Variants in RIMKLA observed in about 807,000 individuals in gnomAD.
RIMKLA encodes ribosomal modification protein rimK like family member A, also known as N-acetylaspartylglutamate synthase A.
Under a neutral mutation model 32.7 loss-of-function variants are expected in RIMKLA, and 14 were observed. The ratio of observed to expected loss-of-function variants is 0.43; its 90% CI spans 0.28 to 0.67. The LOEUF (loss-of-function observed/expected upper bound fraction) is 0.67. RIMKLA is among the 30% of genes least tolerant of loss of function. The pLI is 0.18. For missense variants in RIMKLA, 410 were observed against 519.0 expected (o/e 0.79, Z 2.04); for synonymous variants, 176 against 204.1 (o/e 0.86, Z 1.18).
chr1:42,388,056 G>A (rs917914879), intron 1 of RIMKLA, among the ~76,000 whole-genome samples: 1 of 152,068 alleles, frequency 6.6e-6, no homozygotes, highest in Non-Finnish European at 1.5e-5. Context: ...ATAGCAAGGG[G>A]GCCAGCATGG....
At chr1:42,409,128 G>C (rs1408143536) in intron 3 of RIMKLA, among the ~76,000 whole-genome samples, 2 of 143,600 alleles carry the variant, frequency 1.4e-5, no homozygotes, top group East Asian at 4.1e-4. Flanking sequence ...CTTGAACCCG[G>C]GAGGTGGAGG....
Position 42,385,887 on chromosome 1 carries a change from TTTCTTTCTTTCC to T in RIMKLA, c.163+4798_163+4809del, listed in dbSNP as rs1371916549. Among the ~76,000 whole-genome samples the T allele has an allele frequency of 2.1e-4, 20 of 96,908 alleles. 2 individuals are homozygous for T. Among genetic ancestry groups the T allele is most frequent in the African/African-American group, 5.3e-4 (14 of 26,662 alleles). The allele number at this position is 96,908 out of a possible 152,430, so 63.6% of individuals were successfully genotyped here. On this transcript the variant is annotated intron_variant, in intron 1 of 4. Coordinates refer to ENST00000431473, the MANE Select transcript of RIMKLA (RefSeq NM_173642.4). ...CTTTCTTTCTTTCTTTCTTTCTTTC[TTTCTTTCTTTCC>T]TTCTTTCCTTCTTTCCTTCTTTCTT...
intron 4 of RIMKLA, among the ~76,000 whole-genome samples, chr1:42,413,115 CAG>C (rs1377505568): frequency 5.3e-5 from 8 of 151,880 alleles, no homozygotes; most frequent in Admixed American, 2.6e-4. Flanking sequence ...GCCTGGGCGA[CAG>C]AGTGAGACTC....
chr1:42,399,015 A>G (rs1192003917), intron 1 of RIMKLA, among the ~76,000 whole-genome samples: 1 of 151,374 alleles, frequency 6.6e-6, no homozygotes, highest in African/African-American at 2.4e-5. Context: ...TTCCAATCAG[A>G]TATAAAAGAG....
At chr1:42,382,681 G>A (rs1642899329) in intron 1 of RIMKLA, among the ~76,000 whole-genome samples, 1 of 152,104 alleles carries the variant, frequency 6.6e-6, no homozygotes, top group Non-Finnish European at 1.5e-5. Flanking sequence ...CACAAATTCT[G>A]TAAGAGCAAG....
chr1:42,401,328 GAAT>G (rs1643095297), intron 2 of RIMKLA, among the ~76,000 whole-genome samples: 1 of 152,088 alleles, frequency 6.6e-6, no homozygotes, highest in Non-Finnish European at 1.5e-5. Flanking sequence ...CTGCTTTAGG[GAAT>G]GGGTACAGGA....
intron 1 of RIMKLA, among the ~76,000 whole-genome samples, chr1:42,391,202 G>A (rs1440285707): frequency 6.6e-6 from 1 of 152,184 alleles, no homozygotes; most frequent in Non-Finnish European, 1.5e-5. Flanking sequence ...AGGAGGTCAA[G>A]ACATTGAGAG....
At chr1:42,407,315 A>G (rs1643155882) in intron 3 of RIMKLA, among the ~76,000 whole-genome samples, 1 of 151,684 alleles carries the variant, frequency 6.6e-6, no homozygotes, top group Non-Finnish European at 1.5e-5. Flanking sequence ...TCTTTGATGC[A>G]CAAAAGTTTT....
chr1:42,408,816 G>A (rs1248488206), intron 3 of RIMKLA, among the ~76,000 whole-genome samples: 1 of 152,160 alleles, frequency 6.6e-6, no homozygotes, highest in African/African-American at 2.4e-5. Context: ...TTCCATATTT[G>A]CTGAAAAGAA....
rs1041094968 is a variant in RIMKLA, at chr1:42,418,421, A to G, written c.*3447A>G. On this transcript the variant is annotated 3_prime_UTR_variant, in exon 5 of 5. Transcript: ENST00000431473. ...TCACAATTTCAGGCCCATTGCTTCC[A>G]GCTAAAAGGAGATTCCATGACCATG... is the stretch of plus-strand genomic sequence containing the variant. The G allele has an allele frequency of 5.9e-5, 9 of 152,214 alleles. No homozygotes were observed. Among genetic ancestry groups the G allele is most frequent in the Admixed American group, 4.6e-4 (7 of 15,282 alleles). The allele number at this position is 152,214 out of a possible 1,614,324, so 9.4% of individuals were successfully genotyped here.
chr1:42,413,376 C>G, intron 4 of RIMKLA, among the ~76,000 whole-genome samples: 1 of 150,856 alleles, frequency 6.6e-6, no homozygotes. Context: ...TGGCGGGCGC[C>G]TGTAGTCCCA....
At chr1:42,382,017 A>G (rs1277902329) in intron 1 of RIMKLA, among the ~76,000 whole-genome samples, 1 of 152,186 alleles carries the variant, frequency 6.6e-6, no homozygotes, top group East Asian at 1.9e-4. Flanking sequence ...TTATTTCAAC[A>G]ATTATTAATG....
chr1:42,406,772 A>T (rs987925950), intron 3 of RIMKLA, among the ~76,000 whole-genome samples: 1 of 152,152 alleles, frequency 6.6e-6, no homozygotes, highest in Non-Finnish European at 1.5e-5. Flanking sequence ...CATTTACCCA[A>T]AGACTAATGA....
chr1:42,405,148 ACTT>A (rs767289786), intron 3 of RIMKLA, among the ~76,000 whole-genome samples: 6 of 152,214 alleles, frequency 3.9e-5, no homozygotes, highest in East Asian at 3.9e-4. Flanking sequence ...CACTTGGTCA[ACTT>A]CTTCTGCTCA....
At chr1:42,397,843 A>G (rs1643061283) in intron 1 of RIMKLA, among the ~76,000 whole-genome samples, 1 of 152,190 alleles carries the variant, frequency 6.6e-6, no homozygotes, top group Non-Finnish European at 1.5e-5. Context: ...TACTCATGCC[A>G]TATCCTGTCT....
At position 42,417,553 on chromosome 1, in the gene RIMKLA, T is replaced by TTTTGTTA. The variant is rs1643259700; in HGVS notation, c.*2579_*2580insTTTGTTA. On this transcript the variant is annotated 3_prime_UTR_variant, in exon 5 of 5. Coordinates refer to ENST00000431473, the MANE Select transcript of RIMKLA (RefSeq NM_173642.4). ...GTTTCACTCAGATAGAGAAAATGCC[T>TTTTGTTA]CCTTTGTTTACCTCTTTGAAGCTGA... 6.6e-6 allele frequency: 1 copy of TTTTGTTA among 152,214 alleles called. No individual in the cohort carries two copies. The highest frequency in any genetic ancestry group is 1.5e-5 in the Non-Finnish European group (1 of 68,050). The allele number at this position is 152,214 out of a possible 1,614,324, so 9.4% of individuals were successfully genotyped here. A position where few individuals can be genotyped will look rare whatever the true frequency, so the allele number is the denominator to read the frequency against.
At chr1:42,404,986 C>T (rs192550244) in intron 3 of RIMKLA, among the ~76,000 whole-genome samples, 51 of 152,342 alleles carry the variant, frequency 3.3e-4, no homozygotes, top group Non-Finnish European at 6.5e-4. Flanking sequence ...CCTGTACAAA[C>T]AGCCTCAGCC....
intron 4 of RIMKLA, among the ~76,000 whole-genome samples, chr1:42,413,564 A>C (rs1260460200): frequency 1.3e-5 from 2 of 151,800 alleles, no homozygotes; most frequent in Non-Finnish European, 2.9e-5. Flanking sequence ...GCAAAGTCAA[A>C]TGAAAAAGGT....
At position 42,423,649 on chromosome 1, in the gene RIMKLA, G is replaced by C. The variant is rs1339600245; in HGVS notation, c.*8675G>C. Among the ~76,000 whole-genome samples, 1 of 152,148 alleles carries C rather than the reference G, an allele frequency of 6.6e-6. No homozygotes were observed. The highest frequency in any genetic ancestry group is 1.5e-5 in the Non-Finnish European group (1 of 68,024). On this transcript the variant is annotated 3_prime_UTR_variant, in exon 5 of 5. Coordinates refer to ENST00000431473, the MANE Select transcript of RIMKLA (RefSeq NM_173642.4). The stretch of plus-strand genomic sequence containing the variant: ...GCCTTTCCAAGTTGTGGGATCTTGG[G>C]ATTTCCTCTCCTCAAAGAATAAGCC...
Sources: allele counts gnomAD v4.1 joint callset (sites outside exome capture counted in the v4.1 genomes callset), GRCh38; gene constraint gnomAD v4.1.1; transcripts MANE v1.5; gene names NCBI Gene and HGNC (gene_info 2026-07-23, HGNC 2026-07-21).